Variants in GPC6 observed in about 807,000 individuals in gnomAD.
GPC6 encodes glypican 6.
In GPC6, 14 loss-of-function variants were observed where a neutral mutation model predicts 55.2. The observed-to-expected ratio is 0.25, with a 90% CI of 0.17 to 0.40. The LOEUF is 0.40. GPC6 is among the 10% of genes least tolerant of loss of function. GPC6 has a pLI of 1.00. For missense variants in GPC6, 641 were observed against 708.5 expected (o/e 0.90, Z 1.08); for synonymous variants, 278 against 259.6 (o/e 1.07, Z -0.68).
chr13:93,307,971 A>G (rs1447552266), intron 1 of GPC6, among the ~76,000 whole-genome samples: 3 of 152,184 alleles, frequency 2.0e-5, no homozygotes, highest in Admixed American at 6.5e-5. Context: ...AAATAGGTCA[A>G]TTGAAAAATG....
chr13:94,149,299 A>G (rs1052227427), intron 4 of GPC6, among the ~76,000 whole-genome samples: 1 of 152,180 alleles, frequency 6.6e-6, no homozygotes, highest in Non-Finnish European at 1.5e-5. Context: ...CAAAGCAGGC[A>G]TCTGGAATGC....
chr13:93,336,622 AAGCTCTGTTAGGTAAC>A (rs1487745017), intron 1 of GPC6, among the ~76,000 whole-genome samples: 3 of 152,196 alleles, frequency 2.0e-5, no homozygotes, highest in African/African-American at 7.2e-5. Flanking sequence ...TTTAAAAAGG[AAGCTCTGTTAGGTAAC>A]ATTGCAGCAC....
chr13:93,726,663 T>C (rs1056500869), intron 2 of GPC6, among the ~76,000 whole-genome samples: 1 of 152,114 alleles, frequency 6.6e-6, no homozygotes, highest in Non-Finnish European at 1.5e-5. Flanking sequence ...TTTTTGAGGA[T>C]GGGCAATTGG....
At chr13:94,240,141 T>A (rs1355318735) in intron 4 of GPC6, among the ~76,000 whole-genome samples, 1 of 151,996 alleles carries the variant, frequency 6.6e-6, no homozygotes, top group Non-Finnish European at 1.5e-5. Flanking sequence ...ACAAAAAAAG[T>A]TCCCCCTCTC....
intron 2 of GPC6, among the ~76,000 whole-genome samples, chr13:93,686,601 C>T (rs748696747): frequency 1.3e-4 from 20 of 152,130 alleles, no homozygotes; most frequent in Non-Finnish European, 2.9e-4. Context: ...CTTCTGCTAC[C>T]ATTGACTGCC....
At chr13:93,430,767 A>G (rs542334994) in intron 1 of GPC6, among the ~76,000 whole-genome samples, 108 of 152,282 alleles carry the variant, frequency 7.1e-4, no homozygotes, top group African/African-American at 2.5e-3. Flanking sequence ...AAATGCTTAT[A>G]CAGTTTTATG....
chr13:93,895,098 A>G (rs910762530), intron 3 of GPC6, among the ~76,000 whole-genome samples: 1 of 150,120 alleles, frequency 6.7e-6, no homozygotes, highest in Non-Finnish European at 1.5e-5. Context: ...ATATATGTCT[A>G]TATATATATT....
intron 2 of GPC6, among the ~76,000 whole-genome samples, chr13:93,653,984 C>T (rs945284297): frequency 2.7e-4 from 41 of 152,276 alleles, no homozygotes; most frequent in African/African-American, 9.4e-4. Context: ...AATGTTTTAT[C>T]ACTTTCACAG....
At chr13:93,808,363 C>T (rs1320233029) in intron 2 of GPC6, among the ~76,000 whole-genome samples, 1 of 152,096 alleles carries the variant, frequency 6.6e-6, no homozygotes, top group Non-Finnish European at 1.5e-5. Context: ...GCTAATTTAA[C>T]AGGTATACAC....
chr13:94,076,987 A>G (rs929212842), intron 4 of GPC6, among the ~76,000 whole-genome samples: 1 of 93,312 alleles, frequency 1.1e-5, no homozygotes, highest in Non-Finnish European at 2.3e-5. Flanking sequence ...TTGTGGCTTT[A>G]TATGAATTTT....
intron 1 of GPC6, among the ~76,000 whole-genome samples, chr13:93,370,299 C>T (rs1177605263): frequency 6.6e-6 from 1 of 152,122 alleles, no homozygotes; most frequent in Non-Finnish European, 1.5e-5. Context: ...ATAGAGCCTT[C>T]TGCCGCTATT....
At chr13:94,180,549 G>A (rs9524357) in intron 4 of GPC6, among the ~76,000 whole-genome samples, 37,903 of 152,078 alleles carry the variant, frequency 0.25, 4,861 homozygotes, top group Middle Eastern at 0.38. Flanking sequence ...AATGTAAGAT[G>A]TTTGGAATGA....
chr13:93,676,162 TATATATAC>T lies in GPC6; in HGVS notation c.319+130745_319+130752del, dbSNP rs1348567688. Among the ~76,000 whole-genome samples the T allele has an allele frequency of 9.0e-4, 26 of 28,890 alleles. 1 individual carries two copies. The highest frequency in any genetic ancestry group is 2.5e-3 in the African/African-American group (26 of 10,516). 19.0% of individuals were successfully genotyped at this position (28,890 alleles called of 152,430 possible). A position where few individuals can be genotyped will look rare whatever the true frequency, so the allele number is the denominator to read the frequency against. ...ATATATATATATATATATATATATA[TATATATAC>T]ATACACACACACACACACACATATA... On this transcript the variant is annotated intron_variant, in intron 2 of 8. Coordinates refer to ENST00000377047, the MANE Select transcript of GPC6 (RefSeq NM_005708.5).
At chr13:94,065,702 T>A (rs1050265369) in intron 4 of GPC6, among the ~76,000 whole-genome samples, 19 of 152,214 alleles carry the variant, frequency 1.2e-4, no homozygotes, top group Non-Finnish European at 2.2e-4. Flanking sequence ...CTGGTTCCAA[T>A]GTTTACCAGG....
intron 2 of GPC6, among the ~76,000 whole-genome samples, chr13:93,713,538 T>C (rs1021130705): frequency 1.3e-5 from 2 of 151,762 alleles, no homozygotes; most frequent in African/African-American, 4.8e-5. Flanking sequence ...GCTTGTGCTG[T>C]CACCCAGGCT....
intron 1 of GPC6, among the ~76,000 whole-genome samples, chr13:93,249,261 T>G (rs1876705950): frequency 6.6e-6 from 1 of 152,194 alleles, no homozygotes; most frequent in Non-Finnish European, 1.5e-5. Context: ...GGAAAATAAT[T>G]AATGGAACCC....
chr13:93,661,403 A>G (rs1338118627), intron 2 of GPC6, among the ~76,000 whole-genome samples: 1 of 152,008 alleles, frequency 6.6e-6, no homozygotes, highest in Non-Finnish European at 1.5e-5. Context: ...TAGTACAGAC[A>G]GGTATTCACC....
rs1026046991 is a variant in GPC6 at position 93,504,440 on chromosome 13, C to G, written c.161-40823C>G. ...ACTTCTGTATGATTTACAGAGCATCCTGCATATTCTGCCAACACATTATAA... is the reference window on the plus strand; with the variant it reads ...ACTTCTGTATGATTTACAGAGCATCGTGCATATTCTGCCAACACATTATAA... On this transcript the variant is annotated intron_variant, in intron 1 of 8. Coordinates refer to ENST00000377047, the MANE Select transcript of GPC6 (RefSeq NM_005708.5). 4.6e-5 allele frequency among the ~76,000 whole-genome samples: 7 copies of G among 151,384 alleles called. No individual in the cohort carries two copies. In the East Asian group the frequency reaches 1.4e-3, roughly 29 times the overall value.
chr13:93,892,101 A>G (rs374460559), intron 3 of GPC6, among the ~76,000 whole-genome samples: 1 of 152,044 alleles, frequency 6.6e-6, no homozygotes, highest in African/African-American at 2.4e-5. Flanking sequence ...ACACACATAT[A>G]TGGTGTGTAT....
Sources: gnomAD v4.1 joint callset for allele counts (sites outside exome capture counted in the v4.1 genomes callset) on GRCh38, gnomAD v4.1.1 for gene constraint, MANE v1.5 for transcripts, NCBI Gene and HGNC (gene_info 2026-07-23, HGNC 2026-07-21) for gene names.